Variants in CAMTA1 observed in about 807,000 individuals in gnomAD.
The protein encoded by CAMTA1 is calmodulin-binding transcription activator 1.
In CAMTA1, 27 loss-of-function variants were observed where a neutral mutation model predicts 170.9. The ratio of observed to expected loss-of-function variants is 0.16; its 90% CI spans 0.12 to 0.22. The LOEUF (loss-of-function observed/expected upper bound fraction) is 0.22. CAMTA1 is among the 10% of genes least tolerant of loss of function. The pLI is 1.00. For synonymous variants in CAMTA1, 833 were observed against 891.5 expected, an observed-to-expected ratio of 0.93 and a Z score of 1.17; for missense variants, 1,619 against 2,217.2, an observed-to-expected ratio of 0.73 and a Z score of 5.42.
In CAMTA1 at chr1:7,532,657, C is replaced by A. The variant is rs2094505166; in HGVS notation, c.510+64756C>A. On this transcript the variant is annotated intron_variant, in intron 6 of 22. Coordinates refer to ENST00000303635, the MANE Select transcript of CAMTA1 (RefSeq NM_015215.4). The surrounding 1 kb of genome is among the most constrained non-coding windows in gnomAD (Gnocchi z 4.2). ...AAAAGCATAGGGCTTGGCAACCTCC[C>A]TCTTCTCCCTGGAGTTGAAGGCAGT... Among the ~76,000 whole-genome samples the A allele has an allele frequency of 1.3e-5, 2 of 152,236 alleles. No homozygotes were observed. Among genetic ancestry groups the A allele is most frequent in the South Asian group, 4.1e-4 (2 of 4,826 alleles).
intron 5 of CAMTA1, among the ~76,000 whole-genome samples, chr1:7,310,671 CCTT>C (rs1270743822): frequency 0.013 from 447 of 33,140 alleles, 11 homozygotes; most frequent in South Asian, 0.029. Context: ...TTCTTTCTTT[CCTT>C]TCTTTCTCTC....
chr1:6,834,970 A>G (rs1018244478), intron 3 of CAMTA1, among the ~76,000 whole-genome samples: 3 of 152,256 alleles, frequency 2.0e-5, no homozygotes, highest in African/African-American at 4.8e-5. Context: ...TACATCTACA[A>G]AGTTGTGTAG....
intron 5 of CAMTA1, among the ~76,000 whole-genome samples, chr1:7,283,180 T>G (rs553044416): frequency 3.3e-5 from 5 of 152,150 alleles, no homozygotes; most frequent in Non-Finnish European, 7.4e-5. Context: ...CTCACCCTTC[T>G]CCAACCTCCA....
intron 11 of CAMTA1, among the ~76,000 whole-genome samples, chr1:7,720,084 G>GTT (rs1279953916): frequency 6.6e-6 from 1 of 152,246 alleles, no homozygotes; most frequent in African/African-American, 2.4e-5. Context: ...CAGCTCAGCA[G>GTT]TTGTAATAAC....
Position 7,037,489 on chromosome 1 carries a change from G to T in CAMTA1, c.235-53815G>T, listed in dbSNP as rs150215310. ...GCTTTCTCTCTCTGCTGGGTTCTTC[G>T]CATTGGGCTTTATGCTACTTCGAAA... On this transcript the variant is annotated intron_variant, in intron 3 of 22. Transcript: ENST00000303635. 2.4e-3 allele frequency among the ~76,000 whole-genome samples: 358 copies of T among 152,244 alleles called. 2 individuals are homozygous for T. The Middle Eastern group carries it at 0.024, about 10-fold the overall frequency.
intron 6 of CAMTA1, among the ~76,000 whole-genome samples, chr1:7,599,120 G>C (rs2095422039): frequency 6.6e-6 from 1 of 152,166 alleles, no homozygotes; most frequent in Non-Finnish European, 1.5e-5. Flanking sequence ...TTTTGTGTAA[G>C]GTGTAAGGAG....
At chr1:6,857,323 C>A (rs530653636) in intron 3 of CAMTA1, among the ~76,000 whole-genome samples, 8 of 152,162 alleles carry the variant, frequency 5.3e-5, no homozygotes, top group Non-Finnish European at 1.0e-4. Context: ...GAATAACTCC[C>A]AGGTTTCTGG....
chr1:7,319,804 C>T (rs995509353), intron 5 of CAMTA1, among the ~76,000 whole-genome samples: 4 of 152,132 alleles, frequency 2.6e-5, no homozygotes, highest in African/African-American at 7.2e-5. Context: ...AAAGTTTGTG[C>T]GTCTTTTGTT....
chr1:7,259,727 A>G (rs921689128), intron 5 of CAMTA1, among the ~76,000 whole-genome samples: 1 of 152,220 alleles, frequency 6.6e-6, no homozygotes, highest in Non-Finnish European at 1.5e-5. Flanking sequence ...ATATGGCTGG[A>G]GCTTATCATT....
At chr1:7,394,045 A>T (rs1235975550) in intron 5 of CAMTA1, among the ~76,000 whole-genome samples, 2 of 152,184 alleles carry the variant, frequency 1.3e-5, no homozygotes, top group Non-Finnish European at 2.9e-5. Context: ...CTTTTTTATG[A>T]CTGAAGAGTA....
chr1:6,887,874 G>T lies in CAMTA1; in HGVS notation c.234+62664G>T. The T allele has an allele frequency of 7.1e-7, 1 of 1,417,602 alleles. No individual in the cohort carries two copies. The allele number at this position is 1,417,602 out of a possible 1,614,324, so 87.8% of individuals were successfully genotyped here. ...ACCGAATGTTACTAAAAATGAAATA[G>T]AATAAAGTGACCTACTCTTGCCTCA... On this transcript the variant is annotated intron_variant, in intron 3 of 22. Coordinates refer to ENST00000303635, the MANE Select transcript of CAMTA1 (RefSeq NM_015215.4). This position sits in a 1 kb window ranked among gnomAD's most constrained non-coding sequence, Gnocchi z 4.1.
intron 3 of CAMTA1, among the ~76,000 whole-genome samples, chr1:6,866,188 G>A (rs1171135815): frequency 6.6e-6 from 1 of 152,166 alleles, no homozygotes; most frequent in Non-Finnish European, 1.5e-5. Flanking sequence ...AGACTCACCT[G>A]GAAGATTTAT....
At chr1:7,384,737 C>T (rs1198191589) in intron 5 of CAMTA1, among the ~76,000 whole-genome samples, 8 of 152,104 alleles carry the variant, frequency 5.3e-5, no homozygotes, top group African/African-American at 1.9e-4. Flanking sequence ...CAGCATGTAA[C>T]TGGGTGTGCG....
At chr1:7,020,000 T>C (rs1701121632) in intron 3 of CAMTA1, among the ~76,000 whole-genome samples, 1 of 152,244 alleles carries the variant, frequency 6.6e-6, no homozygotes, top group Admixed American at 6.5e-5. Context: ...TGGTTTCTCA[T>C]TCAGGGGCTC....
At chr1:7,558,368 G>T (rs1385125682) in intron 6 of CAMTA1, among the ~76,000 whole-genome samples, 1 of 152,214 alleles carries the variant, frequency 6.6e-6, no homozygotes, top group Non-Finnish European at 1.5e-5. Flanking sequence ...GGAGCATGGA[G>T]CCCCTCTGGA....
At chr1:6,812,405 C>T (rs1323472529) in intron 1 of CAMTA1, among the ~76,000 whole-genome samples, 5 of 152,104 alleles carry the variant, frequency 3.3e-5, no homozygotes, top group African/African-American at 7.2e-5. Flanking sequence ...GCTTGTTATA[C>T]GTACATAATA....
Position 7,218,985 on chromosome 1 carries a change from G to A in CAMTA1, c.303-30506G>A, listed in dbSNP as rs187190194. Among the ~76,000 whole-genome samples, 138 of 152,216 alleles carry A rather than the reference G, an allele frequency of 9.1e-4. 2 individuals carry two copies. The highest frequency in any genetic ancestry group is 3.4e-3 in the Middle Eastern group (1 of 294). ...TGGAAGTCCCTTACGTGGCATTTTAGGAGACGTGTGCAGTTATATCAATTT... is the reference window on the plus strand; with the variant it reads ...TGGAAGTCCCTTACGTGGCATTTTAAGAGACGTGTGCAGTTATATCAATTT... On this transcript the variant is annotated intron_variant, in intron 4 of 22. Coordinates refer to ENST00000303635, the MANE Select transcript of CAMTA1 (RefSeq NM_015215.4).
rs34493681 is a variant in CAMTA1, at chr1:7,234,788, C to CT, written c.303-14686dup. Among the ~76,000 whole-genome samples, 87,979 of 136,376 alleles carry CT rather than the reference C, an allele frequency of 0.65. 28,791 individuals are homozygous for CT. The highest frequency in any genetic ancestry group is 0.77 in the African/African-American group (27,778 of 36,170). The allele number at this position is 136,376 out of a possible 152,430, so 89.5% of individuals were successfully genotyped here. A position where few individuals can be genotyped will look rare whatever the true frequency, so the allele number is the denominator to read the frequency against. On this transcript the variant is annotated intron_variant, in intron 4 of 22. Transcript: ENST00000303635. This position sits in a 1 kb window ranked among gnomAD's most constrained non-coding sequence, Gnocchi z 5.0. ...GGGAAATTGGAAAATACAAGTTGACCTTTTTTTTTTTTTTTTTAGATAGAG... is the reference window on the plus strand; with the variant it reads ...GGGAAATTGGAAAATACAAGTTGACCTTTTTTTTTTTTTTTTTTAGATAGAG...
Position 7,113,315 on chromosome 1 carries a change from G to A in CAMTA1, c.302+21944G>A, listed in dbSNP as rs1160687601. Among the ~76,000 whole-genome samples the A allele has an allele frequency of 1.3e-5, 2 of 152,192 alleles. No homozygotes were observed. The highest frequency in any genetic ancestry group is 2.9e-5 in the Non-Finnish European group (2 of 68,044). On this transcript the variant is annotated intron_variant, in intron 4 of 22. Transcript: ENST00000303635. This position sits in a 1 kb window ranked among gnomAD's most constrained non-coding sequence, Gnocchi z 4.5. ...CATGTGGGCTTGGGTTGGCCTTCCC[G>A]TATGTTTGCTTGGCCACGTGCCTGT...
Sources: allele counts gnomAD v4.1 joint callset (sites outside exome capture counted in the v4.1 genomes callset), GRCh38; gene constraint gnomAD v4.1.1; non-coding constraint Gnocchi (gnomAD v3.1); transcripts MANE v1.5; gene names NCBI Gene and HGNC (gene_info 2026-07-23, HGNC 2026-07-21).